SRFBP1: variants seen among roughly 807,000 people sequenced by gnomAD.
SRFBP1 encodes serum response factor-binding protein 1.
In SRFBP1, 47 loss-of-function variants were observed where a neutral mutation model predicts 45.5. The observed-to-expected ratio is 1.03, with a 90% CI of 0.82 to 1.32. The LOEUF (loss-of-function observed/expected upper bound fraction) is 1.32, where lower values mean the gene tolerates loss of function less well. SRFBP1 is among the 40% of genes most tolerant of loss of function. The pLI is 0.00. For synonymous variants in SRFBP1, 203 were observed against 166.3 expected, an observed-to-expected ratio of 1.22 and a Z score of -1.70; for missense variants, 621 against 484.6, an observed-to-expected ratio of 1.28 and a Z score of -2.64.
chr5:121,980,403 G>A (rs191900919), intron 3 of SRFBP1, among the ~76,000 whole-genome samples: 106 of 152,290 alleles, frequency 7.0e-4, no homozygotes, highest in African/African-American at 2.3e-3. Flanking sequence ...AGTAATCTGT[G>A]AAATGATACT....
intron 2 of SRFBP1, among the ~76,000 whole-genome samples, chr5:122,048,791 G>C (rs1753913116): frequency 6.6e-6 from 1 of 152,096 alleles, no homozygotes; most frequent in African/African-American, 2.4e-5. Context: ...TATGTGTCCA[G>C]GAATTTATCC....
Position 121,962,038 on chromosome 5 carries a change from T to G in SRFBP1, c.6T>G (p.Ala2=). The G allele has an allele frequency of 6.2e-7, 1 of 1,614,052 alleles. No individual in the cohort carries two copies. The highest frequency in any genetic ancestry group is 8.5e-7 in the Non-Finnish European group (1 of 1,180,014). ...ATCATATTCCTTCATCTACCATGGC[T>G]CAGCCGGGAACTCTGAACCTCAATA... M[A]QPGTLNLNNE... Residue 2 remains alanine (A), a synonymous_variant, in exon 1 of 8, where the codon GCT becomes GCG. Transcript: ENST00000339397.
At chr5:122,039,775 A>G (rs1580540134) in intron 2 of SRFBP1, among the ~76,000 whole-genome samples, 1 of 152,258 alleles carries the variant, frequency 6.6e-6, no homozygotes, top group Non-Finnish European at 1.5e-5. Flanking sequence ...AGATTTAGGG[A>G]GTTTATCTGT....
intron 3 of SRFBP1, among the ~76,000 whole-genome samples, chr5:121,981,579 G>A (rs1752408578): frequency 7.4e-6 from 1 of 134,804 alleles, no homozygotes; most frequent in Non-Finnish European, 1.6e-5. Context: ...TTTTTAACCA[G>A]CTAAACTGAA....
chr5:122,035,196 C>T (rs1753673528), intron 2 of SRFBP1, among the ~76,000 whole-genome samples: 1 of 152,014 alleles, frequency 6.6e-6, no homozygotes, highest in African/African-American at 2.4e-5. Flanking sequence ...GAAAAAGGGT[C>T]CTAGTGGAGA....
intron 2 of SRFBP1, among the ~76,000 whole-genome samples, chr5:122,042,816 A>G (rs532619762): frequency 1.3e-5 from 2 of 152,108 alleles, no homozygotes; most frequent in African/African-American, 2.4e-5. Flanking sequence ...CTGCTATTTT[A>G]GAATTTCTTT....
chr5:122,062,797 T>G (rs1754194942), intron 2 of SRFBP1, among the ~76,000 whole-genome samples: 1 of 152,046 alleles, frequency 6.6e-6, no homozygotes, highest in Non-Finnish European at 1.5e-5. Context: ...ATCTGGTGCA[T>G]ATTTAAATAA....
chr5:122,075,557 A>G (rs1358399036), exon 3 of SRFBP1: 1 of 1,525,192 alleles, frequency 6.6e-7, no homozygotes, highest in African/African-American at 1.4e-5. Flanking sequence ...ATTTTGAAAA[A>G]AGAAAAATTA....
intron 1 of SRFBP1, among the ~76,000 whole-genome samples, chr5:121,964,272 T>A (rs1389849907): frequency 1.3e-5 from 2 of 152,138 alleles, no homozygotes; most frequent in African/African-American, 2.4e-5. Flanking sequence ...GGTATACATG[T>A]GCCATGGTGG....
intron 2 of SRFBP1, chr5:122,065,954 G>A (rs1754288775): frequency 6.6e-6 from 1 of 151,994 alleles, no homozygotes; most frequent in African/African-American, 2.4e-5. Flanking sequence ...CAAGAATGGT[G>A]ATATTAAGAA....
intron 2 of SRFBP1, among the ~76,000 whole-genome samples, chr5:122,053,494 TG>T (rs1754025330): frequency 1.3e-5 from 2 of 152,124 alleles, no homozygotes; most frequent in South Asian, 4.1e-4. Flanking sequence ...GTGGGTCCAC[TG>T]GGCCAGAAGC....
At chr5:121,982,360 A>G (rs928628183) in intron 3 of SRFBP1, among the ~76,000 whole-genome samples, 1 of 151,866 alleles carries the variant, frequency 6.6e-6, no homozygotes. Context: ...AGATCATCAT[A>G]CTGAAATCCC....
chr5:122,019,984 G>A, intron 5 of SRFBP1, 104 bp from the exon 6 acceptor site: 1 of 677,830 alleles, frequency 1.5e-6, no homozygotes. Flanking sequence ...AATTCCAACT[G>A]CCCTCTTAAA....
intron 2 of SRFBP1, among the ~76,000 whole-genome samples, chr5:122,071,755 G>T (rs1047249291): frequency 6.6e-6 from 1 of 152,092 alleles, no homozygotes; most frequent in African/African-American, 2.4e-5. Context: ...AACCAATATT[G>T]CTTTGCTGTT....
chr5:121,968,302 T>C (rs1182385775), intron 1 of SRFBP1, among the ~76,000 whole-genome samples: 1 of 151,646 alleles, frequency 6.6e-6, no homozygotes, highest in Non-Finnish European at 1.5e-5. Flanking sequence ...AGAAATACAC[T>C]GGATGTATGA....
At chr5:122,038,806 G>C (rs1330315148) in intron 2 of SRFBP1, among the ~76,000 whole-genome samples, 1 of 152,180 alleles carries the variant, frequency 6.6e-6, no homozygotes, top group Non-Finnish European at 1.5e-5. Context: ...TGGTGCCAAA[G>C]TAATTGCAAG....
chr5:121,975,250 C>T, intron 2 of SRFBP1, 65 bp from the exon 3 acceptor site: 1 of 1,424,448 alleles, frequency 7.0e-7, no homozygotes, highest in Non-Finnish European at 9.8e-7. Flanking sequence ...AAGTGATTAT[C>T]CATTACACTA....
At chr5:122,067,653 T>G (rs1754334645) in intron 2 of SRFBP1, among the ~76,000 whole-genome samples, 1 of 152,162 alleles carries the variant, frequency 6.6e-6, no homozygotes, top group African/African-American at 2.4e-5. Context: ...TTCAGGGCTG[T>G]CTTCCATCTG....
intron 4 of SRFBP1, among the ~76,000 whole-genome samples, chr5:122,014,799 A>G (rs1172133588): frequency 6.6e-6 from 1 of 152,236 alleles, no homozygotes; most frequent in Non-Finnish European, 1.5e-5. Context: ...TGCAAGTATT[A>G]CCACTGCTCT....
Sources: allele counts gnomAD v4.1 joint callset (sites outside exome capture counted in the v4.1 genomes callset), GRCh38; gene constraint gnomAD v4.1.1; transcripts MANE v1.5; gene names NCBI Gene and HGNC (gene_info 2026-07-23, HGNC 2026-07-21).